EYA4: variants seen among roughly 807,000 people sequenced by gnomAD.
The protein encoded by EYA4 is protein phosphatase EYA4.
EYA4 carries 31 observed loss-of-function variants against 87.9 expected under a neutral mutation model. The ratio of observed to expected loss-of-function variants is 0.35; its 90% CI spans 0.27 to 0.48. The LOEUF is 0.48. Among genes scored for constraint, EYA4 ranks in the 20% least tolerant of loss-of-function variants. The probability of loss-of-function intolerance (pLI) is 0.99; values close to 1 mark genes in which losing one functional copy is unlikely to be tolerated. For synonymous variants in EYA4, 263 were observed against 270.6 expected, an observed-to-expected ratio of 0.97 and a Z score of 0.28; for missense variants, 678 against 761.4, an observed-to-expected ratio of 0.89 and a Z score of 1.29.
chr6:133,502,425 A>G (rs1326639086), intron 13 of EYA4: 1 of 152,188 alleles, frequency 6.6e-6, no homozygotes, highest in Admixed American at 6.5e-5. Flanking sequence ...ATGAGCAAAC[A>G]TCTCTGTATA....
chr6:133,240,951 A>T (rs1452946832), upstream of EYA4: 2 of 151,700 alleles, frequency 1.3e-5, no homozygotes, highest in Non-Finnish European at 2.9e-5. Context: ...GTGGGGATCG[A>T]CAGTGGCTCT....
chr6:133,443,095 C>G (rs553931019), intron 3 of EYA4, among the ~76,000 whole-genome samples: 3 of 151,134 alleles, frequency 2.0e-5, no homozygotes, highest in African/African-American at 7.3e-5. Context: ...TAAAATTGTT[C>G]CTTTCTGGTT....
At chr6:133,259,887 G>A (rs1035058623) in intron 1 of EYA4, among the ~76,000 whole-genome samples, 1 of 152,050 alleles carries the variant, frequency 6.6e-6, no homozygotes, top group African/African-American at 2.4e-5. Context: ...TATTGTTTTT[G>A]TTGTCATTAT....
At chr6:133,375,773 T>A (rs1461644336) in intron 2 of EYA4, among the ~76,000 whole-genome samples, 1 of 151,848 alleles carries the variant, frequency 6.6e-6, no homozygotes, top group East Asian at 1.9e-4. Context: ...AAAATTCAAA[T>A]ATGGATAACT....
At chr6:133,461,271 C>A in intron 7 of EYA4, 91 bp downstream of exon 7, 1 of 916,208 alleles carries the variant, frequency 1.1e-6, no homozygotes. Context: ...GGATAGATTA[C>A]ATATATAGAT....
chr6:133,434,241 CCATGACAATAAATGAATTTTCT>C (rs559321188), intron 3 of EYA4, among the ~76,000 whole-genome samples: 34 of 152,260 alleles, frequency 2.2e-4, no homozygotes, highest in South Asian at 1.7e-3. Context: ...TAGACTTGAC[CCATGACAATAAATGAATTTTCT>C]TGGACCAAAG....
intron 1 of EYA4, chr6:133,248,880 T>G (rs3777784): frequency 1.4e-4 from 20 of 143,750 alleles, no homozygotes; most frequent in African/African-American, 3.7e-4. Flanking sequence ...TGTTTTTTTT[T>G]TTGTTTGTTT....
chr6:133,485,951 A>G (rs1334411386), intron 13 of EYA4, among the ~76,000 whole-genome samples: 1 of 152,220 alleles, frequency 6.6e-6, no homozygotes, highest in Non-Finnish European at 1.5e-5. Flanking sequence ...TTTGAGTCAG[A>G]TAAACTTAAG....
intron 2 of EYA4, among the ~76,000 whole-genome samples, chr6:133,291,272 A>G (rs946795004): frequency 6.6e-6 from 1 of 152,214 alleles, no homozygotes; most frequent in Admixed American, 6.5e-5. Flanking sequence ...TATTTATTCA[A>G]CAAAGATTTA....
chr6:133,434,469 A>G (rs1457847927), intron 3 of EYA4, among the ~76,000 whole-genome samples: 5 of 152,124 alleles, frequency 3.3e-5, no homozygotes, highest in African/African-American at 1.2e-4. Context: ...CAACCTTTGG[A>G]TACTTTTTTT....
At chr6:133,436,128 A>G (rs1285811516) in intron 3 of EYA4, among the ~76,000 whole-genome samples, 1 of 151,926 alleles carries the variant, frequency 6.6e-6, no homozygotes, top group Non-Finnish European at 1.5e-5. Flanking sequence ...CTGAGGCAGG[A>G]GAATTGCTTG....
intron 5 of EYA4, among the ~76,000 whole-genome samples, chr6:133,453,250 C>T (rs916954419): frequency 3.3e-5 from 5 of 151,866 alleles, no homozygotes; most frequent in Non-Finnish European, 7.4e-5. Context: ...TGAAAGTTTC[C>T]TGCCACTAGA....
intron 2 of EYA4, among the ~76,000 whole-genome samples, chr6:133,345,007 CTTA>C (rs1420470017): frequency 6.6e-6 from 1 of 152,016 alleles, no homozygotes; most frequent in Non-Finnish European, 1.5e-5. Flanking sequence ...AAGGAACAGT[CTTA>C]TTATTTCTTA....
intron 2 of EYA4, among the ~76,000 whole-genome samples, chr6:133,306,918 G>C (rs933562534): frequency 2.6e-5 from 4 of 152,192 alleles, no homozygotes; most frequent in African/African-American, 9.6e-5. Context: ...TATGATTTAT[G>C]TAGAAGGAAA....
chr6:133,285,312 A>G lies in EYA4; in HGVS notation c.33+10499A>G, dbSNP rs112799701. ...GCCTCACTGAGAAGATGTTGTGCAAAGACTCAAGAGAGGCGAGGAAGTGAG... is the reference window on the plus strand; with the variant it reads ...GCCTCACTGAGAAGATGTTGTGCAAGGACTCAAGAGAGGCGAGGAAGTGAG... On this transcript the variant is annotated intron_variant, in intron 2 of 19. Transcript: ENST00000355286. Among the ~76,000 whole-genome samples, 168 of 152,214 alleles carry G rather than the reference A, an allele frequency of 1.1e-3. 1 individual carries two copies. The highest frequency in any genetic ancestry group is 3.8e-3 in the African/African-American group (156 of 41,546).
chr6:133,382,847 TAG>T, intron 3 of EYA4, among the ~76,000 whole-genome samples: 1 of 151,718 alleles, frequency 6.6e-6, no homozygotes, highest in East Asian at 1.9e-4. Flanking sequence ...GAAACATTGC[TAG>T]ATTTTGAGAA....
At chr6:133,339,604 G>A (rs377685972) in intron 2 of EYA4, among the ~76,000 whole-genome samples, 67 of 152,300 alleles carry the variant, frequency 4.4e-4, no homozygotes, top group African/African-American at 1.5e-3. Flanking sequence ...GGCTCTGAAA[G>A]GATGACCATG....
chr6:133,361,490 A>C (rs1784445830), intron 2 of EYA4, among the ~76,000 whole-genome samples: 1 of 152,244 alleles, frequency 6.6e-6, no homozygotes, highest in Non-Finnish European at 1.5e-5. Flanking sequence ...TATTGTGAGT[A>C]ATAAGTCTCT....
intron 11 of EYA4, among the ~76,000 whole-genome samples, chr6:133,479,314 T>C (rs1029720934): frequency 6.6e-6 from 1 of 152,174 alleles, no homozygotes; most frequent in Non-Finnish European, 1.5e-5. Context: ...CTTAAAAACC[T>C]TATTACTCTG....
Sources: allele counts gnomAD v4.1 joint callset (sites outside exome capture counted in the v4.1 genomes callset), GRCh38; gene constraint gnomAD v4.1.1; transcripts MANE v1.5; gene names NCBI Gene and HGNC (gene_info 2026-07-23, HGNC 2026-07-21).